The following PTK2 variants were observed in gnomAD, a reference collection of about 807,000 sequenced individuals.
PTK2 encodes the protein focal adhesion kinase 1.
PTK2 carries 45 observed loss-of-function variants against 150.1 expected under a neutral mutation model. The observed-to-expected ratio is 0.30, with a 90% CI of 0.24 to 0.38. PTK2 has a LOEUF of 0.38. PTK2 is among the 10% of genes least tolerant of loss of function. The probability of loss-of-function intolerance (pLI) is 1.00; values close to 1 mark genes in which losing one functional copy is unlikely to be tolerated. For synonymous variants in PTK2, 432 were observed against 449.2 expected (o/e 0.96, Z 0.48); for missense variants, 919 against 1,307.3 (o/e 0.70, Z 4.58).
intron 7 of PTK2, among the ~76,000 whole-genome samples, chr8:140,845,053 G>A (rs1017742030): frequency 1.3e-5 from 2 of 152,044 alleles, no homozygotes; most frequent in African/African-American, 4.8e-5. Flanking sequence ...GTGTCTCCAT[G>A]GCCACTGCTT....
At chr8:140,853,205 T>A (rs958826020) in intron 5 of PTK2, among the ~76,000 whole-genome samples, 9 of 151,878 alleles carry the variant, frequency 5.9e-5, no homozygotes, top group East Asian at 1.9e-4. Flanking sequence ...TTTTTTTTTT[T>A]AATACTTTAA....
chr8:140,973,012 T>C (rs781115916), intron 1 of PTK2, among the ~76,000 whole-genome samples: 8 of 152,382 alleles, frequency 5.2e-5, no homozygotes, highest in Non-Finnish European at 1.0e-4. Flanking sequence ...GACACACTTC[T>C]GGAGACATCC....
chr8:141,001,239 CCGG>C (rs559713729), upstream of PTK2: 3 of 148,204 alleles, frequency 2.0e-5, no homozygotes, highest in African/African-American at 4.9e-5. Flanking sequence ...TGGTCCGGGA[CCGG>C]CGGCGGCGGC....
intron 4 of PTK2, among the ~76,000 whole-genome samples, chr8:140,876,073 A>C (rs2100145297): frequency 6.6e-6 from 1 of 152,082 alleles, no homozygotes; most frequent in African/African-American, 2.4e-5. Flanking sequence ...CCCCTTGGTT[A>C]CTATTTGTCT....
At chr8:140,893,695 G>C (rs2100154987) in intron 2 of PTK2, among the ~76,000 whole-genome samples, 1 of 152,140 alleles carries the variant, frequency 6.6e-6, no homozygotes, top group South Asian at 2.1e-4. Flanking sequence ...GAAATGGTCT[G>C]AATTTAGATC....
intron 14 of PTK2, among the ~76,000 whole-genome samples, chr8:140,785,419 T>C (rs1271364554): frequency 6.6e-6 from 1 of 152,198 alleles, no homozygotes; most frequent in Non-Finnish European, 1.5e-5. Flanking sequence ...TAAAACACAA[T>C]GACATTTATT....
At chr8:140,962,545 T>C (rs1044972220) in intron 1 of PTK2, among the ~76,000 whole-genome samples, 6 of 152,066 alleles carry the variant, frequency 3.9e-5, no homozygotes, top group Admixed American at 1.3e-4. Context: ...ACACCTGTAA[T>C]CCCAGCACTG....
At chr8:140,730,973 T>G (rs952425773) in intron 22 of PTK2, among the ~76,000 whole-genome samples, 2 of 140,526 alleles carry the variant, frequency 1.4e-5, no homozygotes, top group African/African-American at 5.1e-5. Context: ...CCCTTTTTTT[T>G]TTGAGACAAA....
intron 12 of PTK2, among the ~76,000 whole-genome samples, chr8:140,799,842 C>T (rs1017971009): frequency 1.3e-5 from 2 of 152,174 alleles, no homozygotes; most frequent in African/African-American, 4.8e-5. Context: ...CAAACTCAGT[C>T]TTTCCCTGCT....
intron 1 of PTK2, among the ~76,000 whole-genome samples, chr8:140,938,402 C>T (rs2100174454): frequency 6.6e-6 from 1 of 152,180 alleles, no homozygotes; most frequent in Admixed American, 6.5e-5. Flanking sequence ...CATAAAAACT[C>T]CACACCTTAA....
chr8:140,734,717 A>G (rs747693978), intron 22 of PTK2: 2 of 517,590 alleles, frequency 3.9e-6, no homozygotes, highest in Non-Finnish European at 7.7e-6. Flanking sequence ...GCAAAGGAGT[A>G]ATTCTCTCTT....
intron 5 of PTK2, among the ~76,000 whole-genome samples, chr8:140,848,014 T>C (rs1281765468): frequency 1.3e-5 from 2 of 152,224 alleles, no homozygotes; most frequent in African/African-American, 2.4e-5. Flanking sequence ...ACGTTGAACC[T>C]ACCCACTCAT....
intron 23 of PTK2, among the ~76,000 whole-genome samples, chr8:140,708,676 A>C (rs529036743): frequency 4.6e-5 from 7 of 152,292 alleles, no homozygotes; most frequent in African/African-American, 1.2e-4. Flanking sequence ...AAAGGGTATA[A>C]AGAGAGCATT....
At chr8:140,858,993 A>G (rs2100134496) in intron 5 of PTK2, among the ~76,000 whole-genome samples, 1 of 152,222 alleles carries the variant, frequency 6.6e-6, no homozygotes, top group Non-Finnish European at 1.5e-5. Context: ...GGTATACTGA[A>G]TGTCCTGACC....
intron 29 of PTK2, chr8:140,669,213 C>T (rs1416162999): frequency 1.3e-5 from 2 of 150,352 alleles, no homozygotes; most frequent in Admixed American, 1.3e-4. Context: ...AACTTGAGTA[C>T]TGATGGTGGA....
chr8:140,804,129 T>C (rs745681882), intron 10 of PTK2, among the ~76,000 whole-genome samples: 5 of 152,116 alleles, frequency 3.3e-5, no homozygotes, highest in African/African-American at 4.8e-5. Flanking sequence ...AGGGAGACAG[T>C]AGGTACCCAA....
intron 8 of PTK2, among the ~76,000 whole-genome samples, chr8:140,828,095 G>A (rs1454190187): frequency 1.3e-5 from 2 of 151,972 alleles, no homozygotes; most frequent in East Asian, 1.9e-4. Flanking sequence ...TGAACCGGGA[G>A]GAGGAGGTTG....
intron 1 of PTK2, among the ~76,000 whole-genome samples, chr8:140,975,129 C>T (rs144553299): frequency 2.3e-4 from 35 of 152,230 alleles, no homozygotes; most frequent in Non-Finnish European, 4.4e-4. Context: ...CTGTATGTTA[C>T]TAAATTCGAC....
At chr8:140,733,942 G>T (rs2100051078) in intron 22 of PTK2, among the ~76,000 whole-genome samples, 1 of 152,180 alleles carries the variant, frequency 6.6e-6, no homozygotes, top group Non-Finnish European at 1.5e-5. Context: ...CTCTCTGGGG[G>T]CAGGGATTGG....
Sources: allele counts gnomAD v4.1 joint callset (sites outside exome capture counted in the v4.1 genomes callset), GRCh38; gene constraint gnomAD v4.1.1; transcripts MANE v1.5; gene names NCBI Gene and HGNC (gene_info 2026-07-23, HGNC 2026-07-21).